The following FAM135B variants were observed in gnomAD, a reference collection of about 807,000 sequenced individuals.
The protein encoded by FAM135B is family with sequence similarity 135 member B.
FAM135B carries 43 observed loss-of-function variants against 127.7 expected under a neutral mutation model. The ratio of observed to expected loss-of-function variants is 0.34; its 90% CI spans 0.26 to 0.43. FAM135B has a LOEUF of 0.43. FAM135B is among the 20% of genes least tolerant of loss of function. The pLI, the probability that FAM135B is intolerant of heterozygous loss-of-function variation, is 1.00. For missense variants in FAM135B, 1,558 were observed against 1,725.6 expected (o/e 0.90, Z 1.72); for synonymous variants, 670 against 665.1 (o/e 1.01, Z -0.11).
intron 9 of FAM135B, among the ~76,000 whole-genome samples, chr8:138,186,040 C>G (rs1399200578): frequency 6.6e-6 from 1 of 152,162 alleles, no homozygotes; most frequent in East Asian, 1.9e-4. Flanking sequence ...CGGCTGTTCC[C>G]TCTGCCCTGA....
chr8:138,450,802 C>T (rs537198190), intron 1 of FAM135B: 11 of 152,258 alleles, frequency 7.2e-5, no homozygotes, highest in African/African-American at 2.4e-4. Context: ...GTCAATCAGT[C>T]GTCTTCAATC....
intron 4 of FAM135B, among the ~76,000 whole-genome samples, chr8:138,264,781 C>T (rs1429173261): frequency 6.6e-6 from 1 of 152,126 alleles, no homozygotes; most frequent in South Asian, 2.1e-4. Flanking sequence ...AAGATGTGGA[C>T]AAAAAGCCAA....
chr8:138,134,558 T>A (rs1024425560), intron 19 of FAM135B, among the ~76,000 whole-genome samples: 2 of 151,918 alleles, frequency 1.3e-5, no homozygotes, highest in Non-Finnish European at 2.9e-5. Flanking sequence ...ATTGATGGAC[T>A]TTTGGGATAG....
In FAM135B at chr8:138,250,972, C is replaced by T. The variant is rs755707043; in HGVS notation, c.411G>A (p.Thr137=). ...VAGAPMVSSR[T]LGLHFHPRNG... is the part of the protein sequence containing the mutation. ...TCCGGGGGTGGAAGTGCAGGCCAAG[C>T]GTTCGGCTGCTGACCATCGGTGCCC... is the stretch of plus-strand genomic sequence containing the variant. Residue 137 remains threonine, a synonymous_variant, in exon 6 of 20, where the codon ACG becomes ACA. Transcript: ENST00000395297. 1.5e-5 allele frequency: 25 copies of T among 1,613,880 alleles called. No homozygotes were observed. Among genetic ancestry groups the T allele is most frequent in the South Asian group, 8.8e-5 (8 of 91,074 alleles).
At chr8:138,470,184 A>C (rs1454469778) in intron 1 of FAM135B, among the ~76,000 whole-genome samples, 1 of 152,222 alleles carries the variant, frequency 6.6e-6, no homozygotes, top group Non-Finnish European at 1.5e-5. Context: ...GCCCTAAGAC[A>C]GGAGAAAACA....
intron 1 of FAM135B, among the ~76,000 whole-genome samples, chr8:138,388,780 G>A (rs947070354): frequency 1.3e-5 from 2 of 152,104 alleles, no homozygotes; most frequent in Admixed American, 6.6e-5. Context: ...AGGATTCTTA[G>A]GGCAGTGAAA....
At chr8:138,299,886 G>T (rs1825752408) in intron 3 of FAM135B, among the ~76,000 whole-genome samples, 1 of 152,096 alleles carries the variant, frequency 6.6e-6, no homozygotes, top group South Asian at 2.1e-4. Context: ...TCATTTGTGG[G>T]AAATTTTAAT....
intron 7 of FAM135B, among the ~76,000 whole-genome samples, chr8:138,239,310 G>A (rs1820539537): frequency 1.3e-5 from 2 of 152,208 alleles, no homozygotes; most frequent in Admixed American, 6.5e-5. Context: ...CTGATGGCCA[G>A]TGATGATGAG....
intron 1 of FAM135B, among the ~76,000 whole-genome samples, chr8:138,458,434 G>C (rs1279940868): frequency 2.0e-5 from 3 of 152,222 alleles, no homozygotes; most frequent in Non-Finnish European, 4.4e-5. Flanking sequence ...CCAGGTGAGA[G>C]GGTTATGGCC....
chr8:138,274,979 T>C (rs955530742), intron 3 of FAM135B, among the ~76,000 whole-genome samples: 1 of 152,048 alleles, frequency 6.6e-6, no homozygotes, highest in African/African-American at 2.4e-5. Flanking sequence ...TGAGGCGATA[T>C]ACATCCTCCT....
chr8:138,471,778 T>A (rs984944411), intron 1 of FAM135B, among the ~76,000 whole-genome samples: 1 of 152,074 alleles, frequency 6.6e-6, no homozygotes, highest in African/African-American at 2.4e-5. Context: ...AGGATCAAAG[T>A]ATATACCAGA....
chr8:138,310,989 G>C (rs2130894963), intron 2 of FAM135B, 69 bp from the exon 3 acceptor site: 3 of 1,290,948 alleles, frequency 2.3e-6, no homozygotes, highest in South Asian at 2.6e-5. Flanking sequence ...AAAATACCTA[G>C]AATTAATCCT....
At chr8:138,402,141 G>A (rs937731889) in intron 1 of FAM135B, among the ~76,000 whole-genome samples, 1 of 151,980 alleles carries the variant, frequency 6.6e-6, no homozygotes, top group Non-Finnish European at 1.5e-5. Flanking sequence ...ATAGCTGCAG[G>A]TCAACTCCAA....
chr8:138,346,378 T>G (rs768834894), intron 2 of FAM135B, among the ~76,000 whole-genome samples: 1 of 152,168 alleles, frequency 6.6e-6, no homozygotes, highest in Non-Finnish European at 1.5e-5. Context: ...AGTTCACAAA[T>G]GCAGCACTAT....
intron 2 of FAM135B, 38 bp from the exon 3 acceptor site, chr8:138,310,958 C>T (rs964357844): frequency 1.2e-5 from 18 of 1,539,880 alleles, no homozygotes; most frequent in Non-Finnish European, 1.5e-5. Flanking sequence ...TGAAGATCAG[C>T]CTTCTTAACG....
At chr8:138,339,285 C>A (rs1019355434) in intron 2 of FAM135B, among the ~76,000 whole-genome samples, 3 of 151,580 alleles carry the variant, frequency 2.0e-5, no homozygotes, top group African/African-American at 7.3e-5. Flanking sequence ...AATAATCATA[C>A]AAATGTTTGC....
chr8:138,244,836 C>A (rs1185970794), intron 6 of FAM135B, among the ~76,000 whole-genome samples: 1 of 152,106 alleles, frequency 6.6e-6, no homozygotes, highest in Admixed American at 6.5e-5. Flanking sequence ...CCAATCATAT[C>A]CATTTGGGGG....
chr8:138,358,301 C>T (rs1378892095), intron 2 of FAM135B: 1 of 152,140 alleles, frequency 6.6e-6, no homozygotes, highest in African/African-American at 2.4e-5. Flanking sequence ...CAAGAAGACC[C>T]CTTCCTGAGG....
At chr8:138,144,021 GCTTATGGGATCTGTGCCCTGGA>G (rs1817441403) in intron 15 of FAM135B, among the ~76,000 whole-genome samples, 1 of 152,204 alleles carries the variant, frequency 6.6e-6, no homozygotes, top group Non-Finnish European at 1.5e-5. Flanking sequence ...AAGCTCTTCT[GCTTATGGGATCTGTGCCCTGGA>G]CCTGTTGCTT....
Sources: allele counts gnomAD v4.1 joint callset (sites outside exome capture counted in the v4.1 genomes callset), GRCh38; gene constraint gnomAD v4.1.1; transcripts MANE v1.5; gene names NCBI Gene and HGNC (gene_info 2026-07-23, HGNC 2026-07-21).